NPSR1: variants seen among roughly 807,000 people sequenced by gnomAD.
The protein encoded by NPSR1 is neuropeptide S receptor.
Under a neutral mutation model 46.9 loss-of-function variants are expected in NPSR1, and 48 were observed. The ratio of observed to expected loss-of-function variants is 1.02; its 90% CI spans 0.81 to 1.30. The LOEUF is 1.30. Ranked by LOEUF, NPSR1 falls within the 50% of genes most tolerant of loss-of-function variation. The pLI is 0.00. For synonymous variants in NPSR1, 176 were observed against 168.1 expected (o/e 1.05, Z -0.36); for missense variants, 450 against 449.5 (o/e 1.00, Z -0.01).
Position 34,846,918 on chromosome 7 carries a change from T to A in NPSR1, c.845-1565T>A, listed in dbSNP as rs561301194. 5.3e-5 allele frequency among the ~76,000 whole-genome samples: 8 copies of A among 152,292 alleles called. No individual in the cohort carries two copies. In the East Asian group the frequency reaches 1.5e-3, roughly 29 times the overall value. On this transcript the variant is annotated intron_variant, in intron 7 of 8. Transcript: ENST00000360581. ...ACAAATCTTTGCTGGCTGGGCTGCGTGTACCATGCCAGAGGACTGGTATCC... is the reference window on the plus strand; with the variant it reads ...ACAAATCTTTGCTGGCTGGGCTGCGAGTACCATGCCAGAGGACTGGTATCC...
At chr7:34,696,263 C>T (rs1403362068) in intron 2 of NPSR1, among the ~76,000 whole-genome samples, 1 of 151,872 alleles carries the variant, frequency 6.6e-6, no homozygotes, top group East Asian at 1.9e-4. Flanking sequence ...GCTAAATATC[C>T]ATCCATAGAT....
intron 2 of NPSR1, among the ~76,000 whole-genome samples, chr7:34,693,058 A>G (rs915841001): frequency 6.6e-6 from 1 of 152,038 alleles, no homozygotes; most frequent in Non-Finnish European, 1.5e-5. Flanking sequence ...CTTTTGTGAG[A>G]TCTGGTGTTG....
At chr7:34,722,779 G>A (rs1382237574) in intron 2 of NPSR1, among the ~76,000 whole-genome samples, 2 of 152,198 alleles carry the variant, frequency 1.3e-5, no homozygotes, top group Non-Finnish European at 2.9e-5. Context: ...TGCAGATAAT[G>A]ACAGTTCCGT....
At chr7:34,720,185 G>A (rs1583876023) in intron 2 of NPSR1, among the ~76,000 whole-genome samples, 1 of 151,616 alleles carries the variant, frequency 6.6e-6, no homozygotes, top group South Asian at 2.1e-4. Flanking sequence ...GAGGCTGAGG[G>A]AGGAGAATCG....
At chr7:34,819,791 A>G (rs538523158) in intron 4 of NPSR1, among the ~76,000 whole-genome samples, 1 of 152,346 alleles carries the variant, frequency 6.6e-6, no homozygotes, top group African/African-American at 2.4e-5. Context: ...TGAAGCTAGA[A>G]ACCATCATTC....
chr7:34,833,621 C>T (rs1790223483), intron 5 of NPSR1, among the ~76,000 whole-genome samples: 1 of 152,186 alleles, frequency 6.6e-6, no homozygotes, highest in Admixed American at 6.5e-5. Flanking sequence ...AACCTAGTGA[C>T]TTAAATCAAG....
intron 3 of NPSR1, among the ~76,000 whole-genome samples, chr7:34,788,586 T>C (rs1422997593): frequency 6.6e-6 from 1 of 152,054 alleles, no homozygotes; most frequent in Non-Finnish European, 1.5e-5. Context: ...TGCATAATAA[T>C]AAACGGATTA....
At chr7:34,658,696 C>A in intron 1 of NPSR1, 137 bp downstream of exon 1, 2 of 889,090 alleles carry the variant, frequency 2.2e-6, no homozygotes, top group Non-Finnish European at 3.5e-6. Flanking sequence ...TTTTAAAAGT[C>A]TGAAGTGCTA....
At chr7:34,712,758 G>GA (rs1293531085) in intron 2 of NPSR1, among the ~76,000 whole-genome samples, 1 of 152,148 alleles carries the variant, frequency 6.6e-6, no homozygotes, top group Non-Finnish European at 1.5e-5. Flanking sequence ...TTACTTCTGA[G>GA]AAAAAATATT....
At chr7:34,817,749 G>C (rs1216664140) in intron 4 of NPSR1, among the ~76,000 whole-genome samples, 1 of 151,930 alleles carries the variant, frequency 6.6e-6, no homozygotes, top group Non-Finnish European at 1.5e-5. Flanking sequence ...CCCCGGGATG[G>C]AAGGCTGGTT....
intron 2 of NPSR1, among the ~76,000 whole-genome samples, chr7:34,737,871 A>C (rs1372467825): frequency 6.6e-6 from 1 of 152,188 alleles, no homozygotes; most frequent in Admixed American, 6.5e-5. Flanking sequence ...CCCTGAAGTG[A>C]TATCTCCTTC....
chr7:34,817,908 G>C (rs757921341), intron 4 of NPSR1, among the ~76,000 whole-genome samples: 1 of 152,290 alleles, frequency 6.6e-6, no homozygotes, highest in South Asian at 2.1e-4. Context: ...GGTATTGATT[G>C]AACATATCTC....
At chr7:34,703,371 AAAAT>A (rs35157717) in intron 2 of NPSR1, among the ~76,000 whole-genome samples, 55,848 of 148,408 alleles carry the variant, frequency 0.38, 10,833 homozygotes, top group African/African-American at 0.45. Flanking sequence ...ACTCCGTCTC[AAAAT>A]AAATAAATAA....
chr7:34,689,905 A>T (rs1273715623), intron 2 of NPSR1, among the ~76,000 whole-genome samples: 1 of 151,744 alleles, frequency 6.6e-6, no homozygotes, highest in East Asian at 1.9e-4. Flanking sequence ...AGATCATGCC[A>T]CTGCACTCCC....
chr7:34,826,833 C>T (rs901617493), intron 4 of NPSR1, among the ~76,000 whole-genome samples: 2 of 150,640 alleles, frequency 1.3e-5, no homozygotes, highest in African/African-American at 4.9e-5. Context: ...CCCTACTCTC[C>T]AGAACGAAGT....
chr7:34,809,557 G>A (rs1213301630), intron 3 of NPSR1, among the ~76,000 whole-genome samples: 4 of 147,574 alleles, frequency 2.7e-5, no homozygotes, highest in East Asian at 2.0e-4. Flanking sequence ...TCTGCCTCCC[G>A]GGTTCACGCC....
intron 8 of NPSR1, among the ~76,000 whole-genome samples, chr7:34,873,921 C>G (rs1246844859): frequency 6.6e-6 from 1 of 151,610 alleles, no homozygotes; most frequent in Non-Finnish European, 1.5e-5. Context: ...CTGAGTGCAG[C>G]AAAGGGGCCT....
At chr7:34,662,477 G>A (rs115927071) in intron 1 of NPSR1, among the ~76,000 whole-genome samples, 108 of 152,234 alleles carry the variant, frequency 7.1e-4, no homozygotes, top group African/African-American at 2.5e-3. Flanking sequence ...ACAGTGTCAG[G>A]GATGTCCTTC....
In NPSR1 at chr7:34,844,840, C is replaced by G. The variant is rs574333581; in HGVS notation, c.758-56C>G. 12 of 1,103,888 alleles carry G rather than the reference C, an allele frequency of 1.1e-5. No individual in the cohort carries two copies. The Admixed American group carries it at 1.5e-4, about 14-fold the overall frequency. The allele number at this position is 1,103,888 out of a possible 1,614,324, so 68.4% of individuals were successfully genotyped here. The stretch of plus-strand genomic sequence containing the variant: ...CCTTTAATGTTCCTATTGGCTGAAA[C>G]AGAAACTGTCACATCTTGAACACTT... On this transcript the variant is annotated intron_variant, in intron 6 of 8. Transcript: ENST00000360581.
Sources: allele counts gnomAD v4.1 joint callset (sites outside exome capture counted in the v4.1 genomes callset), GRCh38; gene constraint gnomAD v4.1.1; transcripts MANE v1.5; gene names NCBI Gene and HGNC (gene_info 2026-07-23, HGNC 2026-07-21).